GSE1: variants seen among roughly 807,000 people sequenced by gnomAD.
The protein encoded by GSE1 is genetic suppressor element 1.
In GSE1, 32 loss-of-function variants were observed where a neutral mutation model predicts 112.6. The observed-to-expected ratio is 0.28, with a 90% confidence interval of 0.21 to 0.38. The LOEUF (loss-of-function observed/expected upper bound fraction) is 0.38, where lower values mean the gene tolerates loss of function less well. GSE1 is among the 10% of genes least tolerant of loss of function. The pLI is 1.00. For synonymous variants in GSE1, 1,115 were observed against 735.6 expected (o/e 1.52, Z -8.35); for missense variants, 2,348 against 1,699.2 (o/e 1.38, Z -6.71).
intron 1 of GSE1, among the ~76,000 whole-genome samples, chr16:85,310,652 G>A (rs925956247): frequency 2.6e-5 from 4 of 152,124 alleles, no homozygotes; most frequent in African/African-American, 9.7e-5. Flanking sequence ...ATCCCAGGCT[G>A]GCAGGGAGGG....
intron 2 of GSE1, among the ~76,000 whole-genome samples, chr16:85,475,973 CGA>C (rs959901103): frequency 8.6e-5 from 13 of 151,966 alleles, no homozygotes; most frequent in Admixed American, 5.2e-4. Context: ...CTCTGTCACC[CGA>C]GTTGGAGTGC....
chr16:85,363,087 T>C (rs779029074), intron 2 of GSE1, among the ~76,000 whole-genome samples: 2 of 152,196 alleles, frequency 1.3e-5, no homozygotes, highest in Non-Finnish European at 2.9e-5. Flanking sequence ...TCCACCTGCC[T>C]TGGCCTCCCA....
rs112971839 is a variant in GSE1, at chr16:85,419,463, A to G, written c.2464+61820A>G. Among the ~76,000 whole-genome samples, 6,276 of 151,880 alleles carry G rather than the reference A, an allele frequency of 0.041. 154 individuals carry two copies. The highest frequency in any genetic ancestry group is 0.067 in the African/African-American group (2,784 of 41,398). ...CCCTGTCTACGAACAAAAGTTAGCC[A>G]GGCGTGGTGGTGCACATCTGTGGTC... On this transcript the variant is annotated intron_variant, in intron 2 of 2. Transcript: ENST00000637419. The surrounding 1 kb of genome is among the most constrained non-coding windows in gnomAD (Gnocchi z 6.5).
At chr16:85,219,986 A>AT (rs1444457930) in intron 1 of GSE1, among the ~76,000 whole-genome samples, 2 of 151,986 alleles carry the variant, frequency 1.3e-5, no homozygotes, top group African/African-American at 4.8e-5. Context: ...CCCTGCTGCT[A>AT]TTTTCAGCTG....
chr16:85,255,412 CT>C (rs869059709), intron 1 of GSE1, among the ~76,000 whole-genome samples: 1,674 of 141,034 alleles, frequency 0.012, 19 homozygotes, highest in Middle Eastern at 0.036. Flanking sequence ...TCAGTGCCTA[CT>C]TTTTTTTTTT....
At chr16:85,377,897 A>G (rs2047455537) in intron 2 of GSE1, among the ~76,000 whole-genome samples, 1 of 152,250 alleles carries the variant, frequency 6.6e-6, no homozygotes, top group South Asian at 2.1e-4. Flanking sequence ...CTCCTGGTAC[A>G]GGGGAAACCG....
intron 1 of GSE1, among the ~76,000 whole-genome samples, chr16:85,200,237 T>A (rs915343956): frequency 6.6e-6 from 1 of 152,112 alleles, no homozygotes; most frequent in Non-Finnish European, 1.5e-5. Flanking sequence ...CTACCAGGGG[T>A]CTTGAGTTTC....
At chr16:85,528,896 G>A (rs993121638) in intron 2 of GSE1, among the ~76,000 whole-genome samples, 4 of 152,166 alleles carry the variant, frequency 2.6e-5, no homozygotes, top group Non-Finnish European at 4.4e-5. Flanking sequence ...GCCCTGGGGC[G>A]GGAGTGAAAG....
intron 1 of GSE1, among the ~76,000 whole-genome samples, chr16:85,320,241 T>C (rs2046074219): frequency 6.6e-6 from 1 of 152,076 alleles, no homozygotes; most frequent in South Asian, 2.1e-4. Context: ...TCGCCCTCCG[T>C]GGAGGGAGTG....
At chr16:85,295,274 G>A (rs1200348420) in intron 1 of GSE1, among the ~76,000 whole-genome samples, 2 of 152,124 alleles carry the variant, frequency 1.3e-5, no homozygotes, top group African/African-American at 4.8e-5. Flanking sequence ...ATGGAATCCT[G>A]CAGTACAAGC....
chr16:85,626,236 C>T (rs1200478080), intron 1 of GSE1, among the ~76,000 whole-genome samples: 3 of 152,172 alleles, frequency 2.0e-5, no homozygotes, highest in Non-Finnish European at 4.4e-5. Flanking sequence ...GCCTCCACCC[C>T]CAAGAAAAAT....
At chr16:85,204,625 A>T (rs2075084110) in intron 1 of GSE1, among the ~76,000 whole-genome samples, 1 of 152,232 alleles carries the variant, frequency 6.6e-6, no homozygotes, top group African/African-American at 2.4e-5. Flanking sequence ...AGCAGGCGTG[A>T]AGTGGTGTCT....
intron 11 of GSE1, 93 bp from the exon 12 acceptor site, chr16:85,664,922 G>C: frequency 1.2e-6 from 1 of 838,936 alleles, no homozygotes; most frequent in Non-Finnish European, 2.0e-6. Context: ...TTAGTGCTTT[G>C]CCTGCCCCTC....
intron 1 of GSE1, among the ~76,000 whole-genome samples, chr16:85,631,189 C>T (rs957078401): frequency 6.6e-6 from 1 of 152,210 alleles, no homozygotes; most frequent in Admixed American, 6.5e-5. Flanking sequence ...ACATTCCCTC[C>T]TAAAAACCCG....
rs572030271 is a variant in GSE1 at position 85,623,577 on chromosome 16, C to T, written c.7+10179C>T. Among the ~76,000 whole-genome samples, 64 of 152,350 alleles carry T rather than the reference C, an allele frequency of 4.2e-4. 1 individual carries two copies. The highest frequency in any genetic ancestry group is 1.4e-3 in the African/African-American group (59 of 41,590). ...CATAGTGTGTTCCCTCGAGGCCCCA[C>T]AGCTCTCAGCCTTCAGTGGAAGTTC... is the stretch of plus-strand genomic sequence containing the variant. On this transcript the variant is annotated intron_variant, in intron 1 of 15. Transcript: ENST00000253458.
chr16:85,631,530 G>A (rs2151727436), intron 1 of GSE1, among the ~76,000 whole-genome samples: 1 of 152,364 alleles, frequency 6.6e-6, no homozygotes, highest in Non-Finnish European at 1.5e-5. Context: ...CAGACTCAGA[G>A]CATGGGTCCC....
chr16:85,318,769 C>T (rs74031788), intron 1 of GSE1, among the ~76,000 whole-genome samples: 4,261 of 152,296 alleles, frequency 0.028, 178 homozygotes, highest in African/African-American at 0.087. Flanking sequence ...GGCTTCTCAG[C>T]TTCTCACCCC....
intron 1 of GSE1, among the ~76,000 whole-genome samples, chr16:85,313,467 G>A (rs2966843): frequency 0.4 from 60,834 of 151,978 alleles, 12,507 homozygotes; most frequent in African/African-American, 0.47. Context: ...TGCAGACAAC[G>A]GGCCCCTTTT....
At chr16:85,476,759 C>T (rs372695272) in intron 2 of GSE1, among the ~76,000 whole-genome samples, 55 of 151,388 alleles carry the variant, frequency 3.6e-4, no homozygotes, top group African/African-American at 1.3e-3. Flanking sequence ...TAGGCGTGCA[C>T]CACCACGCCT....
Sources: allele counts gnomAD v4.1 joint callset (sites outside exome capture counted in the v4.1 genomes callset), GRCh38; gene constraint gnomAD v4.1.1; non-coding constraint Gnocchi (gnomAD v3.1); transcripts MANE v1.5; gene names NCBI Gene and HGNC (gene_info 2026-07-23, HGNC 2026-07-21).